The following POLR3B variants were observed in gnomAD, a reference collection of about 807,000 sequenced individuals.
POLR3B encodes the protein RNA polymerase III subunit B.
Under a neutral mutation model 147.4 loss-of-function variants are expected in POLR3B, and 96 were observed. The ratio of observed to expected loss-of-function variants is 0.65; its 90% CI spans 0.55 to 0.77. The LOEUF (loss-of-function observed/expected upper bound fraction) is 0.77. POLR3B is among the 30% of genes least tolerant of loss of function. The pLI, the probability that POLR3B is intolerant of heterozygous loss-of-function variation, is 0.00. For missense variants in POLR3B, 1,036 were observed against 1,413.5 expected (o/e 0.73, Z 4.28); for synonymous variants, 461 against 485.9 (o/e 0.95, Z 0.67).
At chr12:106,406,896 A>G (rs556119818) in intron 11 of POLR3B, among the ~76,000 whole-genome samples, 1 of 152,298 alleles carries the variant, frequency 6.6e-6, no homozygotes, top group South Asian at 2.1e-4. Context: ...CATGTGTTCC[A>G]TCCGTGAATA....
chr12:106,425,689 G>A (rs1422666699), intron 12 of POLR3B, among the ~76,000 whole-genome samples: 1 of 152,186 alleles, frequency 6.6e-6, no homozygotes, highest in Non-Finnish European at 1.5e-5. Flanking sequence ...GTGAGTGGGA[G>A]TGGACACTTC....
chr12:106,501,840 T>C (rs2038607087), intron 26 of POLR3B, among the ~76,000 whole-genome samples: 1 of 152,180 alleles, frequency 6.6e-6, no homozygotes, highest in African/African-American at 2.4e-5. Flanking sequence ...TAAACCACAA[T>C]TGGAGTTTTT....
Position 106,366,703 on chromosome 12 carries a change from G to C in POLR3B, c.208G>C (p.Asp70His). 6.2e-7 allele frequency: 1 copy of C among 1,612,990 alleles called. No individual in the cohort carries two copies. The highest frequency in any genetic ancestry group is 8.5e-7 in the Non-Finnish European group (1 of 1,179,044). ...CAATGAAAAGGTTACAAGTGACGCTGACCCTATGTGGTACTTAAAGTAAGG... is the reference window on the plus strand; with the variant it reads ...CAATGAAAAGGTTACAAGTGACGCTCACCCTATGTGGTACTTAAAGTAAGG... The part of the protein sequence containing the change: ...KANEKVTSDA[D>H]PMWYLKYLNI... Residue 70 changes from aspartate to histidine, a missense_variant, in exon 4 of 28, where the codon GAC (aspartate) becomes CAC (histidine). Around this residue, in one of 12 missense-constraint regions of POLR3B, gnomAD observed 150 missense variants for 145.5 expected, o/e 1.03. Coordinates refer to ENST00000228347, the MANE Select transcript of POLR3B (RefSeq NM_018082.6).
chr12:106,395,422 G>A (rs1467065125), intron 10 of POLR3B, among the ~76,000 whole-genome samples: 1 of 151,946 alleles, frequency 6.6e-6, no homozygotes, highest in Non-Finnish European at 1.5e-5. Context: ...GAGGGAGGAG[G>A]GGGTGCCACA....
chr12:106,422,477 C>T (rs1475260413), intron 12 of POLR3B, among the ~76,000 whole-genome samples: 1 of 152,170 alleles, frequency 6.6e-6, no homozygotes, highest in Non-Finnish European at 1.5e-5. Context: ...TTCTTTATAG[C>T]AATGCAAGAG....
chr12:106,388,422 A>G (rs1460929274), intron 9 of POLR3B, among the ~76,000 whole-genome samples: 1 of 151,866 alleles, frequency 6.6e-6, no homozygotes, highest in African/African-American at 2.4e-5. Flanking sequence ...GGTTCAAGCG[A>G]TTCTTCTGCC....
chr12:106,495,155 TAAC>T (rs1203388239), intron 23 of POLR3B, among the ~76,000 whole-genome samples: 3 of 152,200 alleles, frequency 2.0e-5, no homozygotes, highest in Admixed American at 6.5e-5. Context: ...AGATTATAGT[TAAC>T]AATCTAAATT....
At chr12:106,487,436 C>A (rs2038354846) in intron 23 of POLR3B, among the ~76,000 whole-genome samples, 1 of 152,282 alleles carries the variant, frequency 6.6e-6, no homozygotes, top group Middle Eastern at 3.4e-3. Flanking sequence ...TTTAAAAATT[C>A]TTTTGATTTA....
At chr12:106,428,183 G>C (rs995781316) in intron 13 of POLR3B, among the ~76,000 whole-genome samples, 8 of 152,210 alleles carry the variant, frequency 5.3e-5, no homozygotes, top group African/African-American at 1.7e-4. Flanking sequence ...AAAGTCGTCT[G>C]AGGTGGATCC....
At chr12:106,428,483 G>T (rs944201459) in intron 13 of POLR3B, among the ~76,000 whole-genome samples, 1 of 152,086 alleles carries the variant, frequency 6.6e-6, no homozygotes, top group Non-Finnish European at 1.5e-5. Flanking sequence ...TTTCTCAAAG[G>T]AGCATTTTTA....
rs2037452051 is a variant in POLR3B at position 106,427,222 on chromosome 12, T to C, written c.1127T>C (p.Leu376Ser). The change falls in exon 13 of 28, where the codon TTG (leucine) becomes TCG (serine). Residue 376 changes from leucine to serine, a missense_variant. Coordinates refer to ENST00000228347, the MANE Select transcript of POLR3B (RefSeq NM_018082.6). ...CTTTTATCTCTTCTTTTTGAAGACT[T>C]GTTCAAAAAATTTAATTCTGAAATG... ...GQLLSLLFED[L>S]FKKFNSEMKK... 1.9e-6 allele frequency: 3 copies of C among 1,599,808 alleles called. No individual in the cohort carries two copies. The African/African-American group carries it at 4.0e-5, about 22-fold the overall frequency.
At chr12:106,470,514 C>A (rs2038075349) in intron 23 of POLR3B, among the ~76,000 whole-genome samples, 2 of 152,118 alleles carry the variant, frequency 1.3e-5, no homozygotes, top group African/African-American at 4.8e-5. Flanking sequence ...AGTTGTGTTC[C>A]TTTGGAGGAG....
At chr12:106,498,009 C>T (rs1356163450) in intron 25 of POLR3B, among the ~76,000 whole-genome samples, 1 of 152,174 alleles carries the variant, frequency 6.6e-6, no homozygotes, top group Admixed American at 6.5e-5. Context: ...GGGCATAGCA[C>T]AGGGCCTGAC....
chr12:106,399,429 C>T (rs1303305835), intron 10 of POLR3B, among the ~76,000 whole-genome samples: 1 of 152,116 alleles, frequency 6.6e-6, no homozygotes, highest in Non-Finnish European at 1.5e-5. Flanking sequence ...GAGAACTTCC[C>T]CAATCTAGCA....
intron 23 of POLR3B, among the ~76,000 whole-genome samples, chr12:106,479,504 C>T (rs184116365): frequency 0.015 from 2,352 of 151,882 alleles, 27 homozygotes; most frequent in Non-Finnish European, 0.022. Flanking sequence ...CCTCAGCCTC[C>T]CGAGTAGCTG....
chr12:106,383,879 G>A (rs1489823420), intron 9 of POLR3B, among the ~76,000 whole-genome samples: 1 of 151,926 alleles, frequency 6.6e-6, no homozygotes, highest in East Asian at 1.9e-4. Context: ...TTGGGAGGCT[G>A]AGGCAGAAGA....
Position 106,504,643 on chromosome 12 carries a change from C to A in POLR3B, c.3272+389C>A, listed in dbSNP as rs867026190. 1.4e-4 allele frequency among the ~76,000 whole-genome samples: 21 copies of A among 152,082 alleles called. No individual in the cohort carries two copies. Among genetic ancestry groups the A allele is most frequent in the African/African-American group, 5.1e-4 (21 of 41,418 alleles). ...AATGCTTTCATTTGTAACTTCAGAC[C>A]CAAAGAGCCAGGGATGCTGCCCCAG... On this transcript the variant is annotated intron_variant, in intron 27 of 27. Coordinates refer to ENST00000228347, the MANE Select transcript of POLR3B (RefSeq NM_018082.6). The surrounding 1 kb of genome is among the most constrained non-coding windows in gnomAD (Gnocchi z 4.6).
intron 23 of POLR3B, among the ~76,000 whole-genome samples, chr12:106,477,607 G>T (rs1227914972): frequency 1.3e-5 from 2 of 152,122 alleles, no homozygotes; most frequent in African/African-American, 4.8e-5. Flanking sequence ...GCAATATTCA[G>T]GTGGGAGTGA....
intron 9 of POLR3B, among the ~76,000 whole-genome samples, chr12:106,386,782 C>T (rs1368363934): frequency 6.6e-6 from 1 of 152,052 alleles, no homozygotes; most frequent in East Asian, 1.9e-4. Flanking sequence ...TGGCAGGTGC[C>T]TGTAGTCCCA....
Sources: allele counts gnomAD v4.1 joint callset (sites outside exome capture counted in the v4.1 genomes callset), GRCh38; gene constraint gnomAD v4.1.1; regional missense constraint gnomAD v4.1.1; non-coding constraint Gnocchi (gnomAD v3.1); transcripts MANE v1.5; gene names NCBI Gene and HGNC (gene_info 2026-07-23, HGNC 2026-07-21).